The following MYO1D variants were observed in gnomAD, a reference collection of about 807,000 sequenced individuals.
MYO1D encodes unconventional myosin-Id.
A neutral mutation model predicts 122.0 loss-of-function variants in MYO1D; 83 were observed. The ratio of observed to expected loss-of-function variants is 0.68; its 90% CI spans 0.57 to 0.82. MYO1D has a LOEUF of 0.82. Ranked by LOEUF, MYO1D falls within the 40% of genes least tolerant of loss-of-function variation. MYO1D has a pLI of 0.00. For synonymous variants in MYO1D, 464 were observed against 446.9 expected, an observed-to-expected ratio of 1.04 and a Z score of -0.48; for missense variants, 1,157 against 1,269.5, an observed-to-expected ratio of 0.91 and a Z score of 1.35.
intron 21 of MYO1D, among the ~76,000 whole-genome samples, chr17:32,570,395 C>T (rs571814943): frequency 6.6e-5 from 10 of 152,188 alleles, no homozygotes; most frequent in South Asian, 2.1e-4. Flanking sequence ...GACAGAGTCT[C>T]GCTGTGTCGC....
At chr17:32,511,080 A>C (rs559317019) in intron 21 of MYO1D, among the ~76,000 whole-genome samples, 21 of 152,236 alleles carry the variant, frequency 1.4e-4, no homozygotes, top group African/African-American at 4.1e-4. Flanking sequence ...CTGGGCCAGC[A>C]TCTGACCCTC....
chr17:32,538,968 G>C (rs1446981034), intron 21 of MYO1D, among the ~76,000 whole-genome samples: 1 of 151,996 alleles, frequency 6.6e-6, no homozygotes, highest in Non-Finnish European at 1.5e-5. Context: ...GGTTGGGGGA[G>C]AGAGAGAGAG....
chr17:32,560,528 C>CCTATATATATATATATATATAT lies in MYO1D; in HGVS notation c.2864+44558_2864+44559insATATATATATATATATATATAG, dbSNP rs1233632484. Among the ~76,000 whole-genome samples the CCTATATATATATATATATATAT allele has an allele frequency of 4.6e-5, 3 of 65,436 alleles. 1 individual carries two copies. Among genetic ancestry groups the CCTATATATATATATATATATAT allele is most frequent in the African/African-American group, 1.0e-4 (2 of 19,810 alleles). The allele number at this position is 65,436 out of a possible 152,430, so 42.9% of individuals were successfully genotyped here. A position where few individuals can be genotyped will look rare whatever the true frequency, so the allele number is the denominator to read the frequency against. On this transcript the variant is annotated intron_variant, in intron 21 of 21. Coordinates refer to ENST00000318217, the MANE Select transcript of MYO1D (RefSeq NM_015194.3). Reference sequence around the variant, plus strand: ...AAAAAAAAGTAATACCCAGAGACAACATATATATATATATATATATATATA... The same window carrying CCTATATATATATATATATATAT: ...AAAAAAAAGTAATACCCAGAGACAACCTATATATATATATATATATATATATATATATATATATATATATATA...
chr17:32,575,906 G>T (rs1165843125), intron 21 of MYO1D, among the ~76,000 whole-genome samples: 4 of 152,198 alleles, frequency 2.6e-5, no homozygotes, highest in African/African-American at 9.7e-5. Flanking sequence ...TAGGTTCCTA[G>T]TATGCTTGTT....
chr17:32,716,158 T>C (rs2089442523), intron 15 of MYO1D, among the ~76,000 whole-genome samples: 1 of 152,238 alleles, frequency 6.6e-6, no homozygotes, highest in South Asian at 2.1e-4. Context: ...TCCTTCCTAC[T>C]TCAGGGTCTT....
chr17:32,803,645 T>G (rs1191402780), intron 1 of MYO1D, among the ~76,000 whole-genome samples: 1 of 152,124 alleles, frequency 6.6e-6, no homozygotes, highest in East Asian at 1.9e-4. Context: ...AATCTGAAAG[T>G]TCTAACAACA....
intron 1 of MYO1D, among the ~76,000 whole-genome samples, chr17:32,793,261 G>A (rs572445029): frequency 3.5e-4 from 52 of 150,684 alleles, no homozygotes; most frequent in African/African-American, 1.3e-3. Flanking sequence ...TATATAAATA[G>A]ACAATGCTAT....
intron 1 of MYO1D, among the ~76,000 whole-genome samples, chr17:32,808,573 CCT>C (rs1014612075): frequency 6.6e-6 from 1 of 152,028 alleles, no homozygotes; most frequent in Non-Finnish European, 1.5e-5. Context: ...TGTCCCACCC[CCT>C]GCCACGCCAA....
At chr17:32,509,940 G>GC (rs1331357346) in intron 21 of MYO1D, 4 of 152,190 alleles carry the variant, frequency 2.6e-5, no homozygotes, top group African/African-American at 9.7e-5. Flanking sequence ...TAGATTGGGA[G>GC]GAGAAGGTTG....
chr17:32,769,544 A>G (rs1180414650), intron 6 of MYO1D, among the ~76,000 whole-genome samples: 1 of 152,128 alleles, frequency 6.6e-6, no homozygotes, highest in Non-Finnish European at 1.5e-5. Flanking sequence ...GTTAAGATAC[A>G]CACAGTGCAA....
chr17:32,684,117 G>A (rs1057221750), intron 16 of MYO1D: 5 of 153,712 alleles, frequency 3.3e-5, no homozygotes, highest in African/African-American at 7.2e-5. Context: ...CACACGGTGC[G>A]CGCACCCACT....
rs189634698 is a variant in MYO1D at position 32,730,612 on chromosome 17, G to A, written c.1746+7641C>T. Among the ~76,000 whole-genome samples the A allele has an allele frequency of 2.1e-3, 315 of 152,170 alleles. 4 individuals are homozygous for A. The highest frequency in any genetic ancestry group is 7.2e-3 in the African/African-American group (299 of 41,534). On this transcript the variant is annotated intron_variant, in intron 14 of 21. Coordinates refer to ENST00000318217, the MANE Select transcript of MYO1D (RefSeq NM_015194.3). ...TCCCTGGGTATAGAATTTGGTTTAC[G>A]TTTATTTTCTCTCAGCCTAATTGTC...
At chr17:32,737,503 G>A (rs565085715) in intron 14 of MYO1D, among the ~76,000 whole-genome samples, 1 of 152,024 alleles carries the variant, frequency 6.6e-6, no homozygotes, top group Non-Finnish European at 1.5e-5. Context: ...TGGGACCACA[G>A]GCATGTGCCA....
intron 19 of MYO1D, 105 bp from the exon 20 acceptor site, chr17:32,638,940 A>T: frequency 1.4e-6 from 1 of 727,018 alleles, no homozygotes; most frequent in East Asian, 2.6e-5. Context: ...ATGTATGGCC[A>T]CTCTACTGGA....
At chr17:32,777,827 G>A (rs572590234) in intron 3 of MYO1D, among the ~76,000 whole-genome samples, 4 of 152,212 alleles carry the variant, frequency 2.6e-5, no homozygotes, top group African/African-American at 7.2e-5. Context: ...CCAGCTACTC[G>A]GGAAGCTGAG....
At chr17:32,682,326 G>C (rs1224396838) in intron 16 of MYO1D, among the ~76,000 whole-genome samples, 1 of 151,118 alleles carries the variant, frequency 6.6e-6, no homozygotes, top group African/African-American at 2.4e-5. Context: ...CTCGTTAGTT[G>C]ATGCAGTTTC....
At chr17:32,532,355 A>G (rs907095679) in intron 21 of MYO1D, among the ~76,000 whole-genome samples, 3 of 152,242 alleles carry the variant, frequency 2.0e-5, no homozygotes, top group African/African-American at 7.2e-5. Context: ...TCTTTGTAGC[A>G]GAATAAACAG....
chr17:32,694,686 C>T (rs550359343), intron 16 of MYO1D, among the ~76,000 whole-genome samples: 35 of 115,076 alleles, frequency 3.0e-4, no homozygotes, highest in African/African-American at 1.1e-3. Flanking sequence ...CCGGCCTGGG[C>T]GACAGAGCGA....
chr17:32,682,731 A>C (rs1358262661), intron 16 of MYO1D, among the ~76,000 whole-genome samples: 3 of 118,386 alleles, frequency 2.5e-5, no homozygotes, highest in Non-Finnish European at 5.2e-5. Context: ...CGTGTCTTGG[A>C]GTTGCTCTTC....
Sources: allele counts gnomAD v4.1 joint callset (sites outside exome capture counted in the v4.1 genomes callset), GRCh38; gene constraint gnomAD v4.1.1; transcripts MANE v1.5; gene names NCBI Gene and HGNC (gene_info 2026-07-23, HGNC 2026-07-21).